Variants in MAD1L1 observed in about 807,000 individuals in gnomAD.
MAD1L1 encodes mitotic spindle assembly checkpoint protein MAD1.
A neutral mutation model predicts 96.9 loss-of-function variants in MAD1L1; 95 were observed. That is an observed-to-expected ratio of 0.98 (90% confidence interval 0.83 to 1.16). MAD1L1 has a LOEUF of 1.16. Among genes scored for constraint, MAD1L1 ranks in the 50% most tolerant of loss-of-function variants. The pLI is 0.00. For missense variants in MAD1L1, 1,007 were observed against 954.4 expected, an observed-to-expected ratio of 1.06 and a Z score of -0.73; for synonymous variants, 473 against 396.6, an observed-to-expected ratio of 1.19 and a Z score of -2.29.
chr7:1,879,835 A>T (rs1004623012), intron 18 of MAD1L1, among the ~76,000 whole-genome samples: 1 of 152,092 alleles, frequency 6.6e-6, no homozygotes, highest in Non-Finnish European at 1.5e-5. Flanking sequence ...GGTTCACGCC[A>T]TTCTCCTGCC....
intron 18 of MAD1L1, among the ~76,000 whole-genome samples, chr7:1,895,207 C>T (rs962739859): frequency 2.6e-5 from 4 of 152,140 alleles, no homozygotes; most frequent in African/African-American, 4.8e-5. Flanking sequence ...CTTCTTCCTG[C>T]GGGGACTTCA....
At chr7:2,171,517 C>T (rs1445834765) in intron 10 of MAD1L1, among the ~76,000 whole-genome samples, 3 of 136,884 alleles carry the variant, frequency 2.2e-5, no homozygotes, top group African/African-American at 6.9e-5. Context: ...AGATGGGACA[C>T]GTATGGGTCA....
At chr7:2,203,062 C>A (rs546938852) in intron 10 of MAD1L1, among the ~76,000 whole-genome samples, 1 of 152,354 alleles carries the variant, frequency 6.6e-6, no homozygotes, top group African/African-American at 2.4e-5. Flanking sequence ...CTCTGCAGCC[C>A]CTCCTCACCC....
chr7:1,935,823 T>C (rs1343535011), intron 17 of MAD1L1, among the ~76,000 whole-genome samples: 1 of 152,202 alleles, frequency 6.6e-6, no homozygotes, highest in Admixed American at 6.5e-5. Context: ...CCACCACAGA[T>C]GAGCCTGCAG....
At chr7:2,059,605 G>C (rs1380968926) in intron 12 of MAD1L1, among the ~76,000 whole-genome samples, 1 of 124,238 alleles carries the variant, frequency 8.0e-6, no homozygotes, top group Non-Finnish European at 1.7e-5. Context: ...GGGGCTGGTG[G>C]GGAAGCGTGG....
chr7:2,100,433 C>A (rs1786719629), intron 11 of MAD1L1, among the ~76,000 whole-genome samples: 1 of 152,238 alleles, frequency 6.6e-6, no homozygotes, highest in African/African-American at 2.4e-5. Context: ...ACACTCCAGA[C>A]ATTACAATGC....
At chr7:1,979,974 G>A (rs969116996) in intron 15 of MAD1L1, among the ~76,000 whole-genome samples, 5 of 152,324 alleles carry the variant, frequency 3.3e-5, no homozygotes, top group East Asian at 1.9e-4. Flanking sequence ...CAGCAGAGAC[G>A]AGTGTCCCTG....
intron 15 of MAD1L1, among the ~76,000 whole-genome samples, chr7:1,964,853 G>A (rs950819267): frequency 7.2e-5 from 11 of 152,194 alleles, no homozygotes; most frequent in Admixed American, 5.9e-4. Flanking sequence ...TAATGGGGGC[G>A]GGAGGCCTGG....
chr7:2,087,377 T>C (rs1785972238), intron 11 of MAD1L1, among the ~76,000 whole-genome samples: 1 of 152,044 alleles, frequency 6.6e-6, no homozygotes, highest in Non-Finnish European at 1.5e-5. Flanking sequence ...CTGTCTCTAC[T>C]AAGAATACAA....
chr7:1,924,970 A>C (rs1458572775), intron 17 of MAD1L1, among the ~76,000 whole-genome samples: 1 of 152,222 alleles, frequency 6.6e-6, no homozygotes, highest in Non-Finnish European at 1.5e-5. Flanking sequence ...AGATATAATA[A>C]AGACATAGAT....
At chr7:2,151,726 T>C (rs1285527026) in intron 10 of MAD1L1, among the ~76,000 whole-genome samples, 1 of 152,186 alleles carries the variant, frequency 6.6e-6, no homozygotes, top group African/African-American at 2.4e-5. Context: ...CCATGATAAA[T>C]GCAACCATTT....
intron 18 of MAD1L1, among the ~76,000 whole-genome samples, chr7:1,832,690 G>GGC (rs1191635131): frequency 7.7e-5 from 5 of 65,126 alleles, no homozygotes; most frequent in Non-Finnish European, 1.3e-4. Flanking sequence ...GGAGTGCAGT[G>GGC]ATGTGATCTC....
Position 2,149,243 on chromosome 7 carries a change from A to G in MAD1L1, c.987-5T>C. The G allele has an allele frequency of 1.2e-6, 2 of 1,609,304 alleles. No homozygotes were observed. The highest frequency in any genetic ancestry group is 1.7e-6 in the Non-Finnish European group (2 of 1,175,784). ...CTGGAAAGGTCTTCTGGAGTCCTGC[A>G]GGATAAACAAGGCACACTCAGTTCC... On this transcript the variant is annotated splice_region_variant and splice_polypyrimidine_tract_variant and intron_variant, in intron 10 of 18. Coordinates refer to ENST00000265854, the MANE Select transcript of MAD1L1 (RefSeq NM_001013836.2).
chr7:2,066,028 A>T (rs1035518273), intron 12 of MAD1L1, among the ~76,000 whole-genome samples: 1 of 152,256 alleles, frequency 6.6e-6, no homozygotes. Context: ...TGCTTAAAAT[A>T]GTCATGATAT....
At chr7:2,217,572 G>A (rs148461115) in intron 7 of MAD1L1, among the ~76,000 whole-genome samples, 2 of 152,348 alleles carry the variant, frequency 1.3e-5, no homozygotes, top group East Asian at 1.9e-4. Context: ...CACGTCCTCC[G>A]CAGGGAAATG....
intron 16 of MAD1L1, among the ~76,000 whole-genome samples, chr7:1,946,150 T>C (rs913613272): frequency 1.3e-5 from 2 of 152,190 alleles, no homozygotes; most frequent in Non-Finnish European, 2.9e-5. Flanking sequence ...CATCTGCCCA[T>C]CCGCTCAGGG....
chr7:2,148,974 G>A (rs1401097027), intron 11 of MAD1L1, among the ~76,000 whole-genome samples, 178 bp downstream of exon 11: 5 of 152,132 alleles, frequency 3.3e-5, no homozygotes, highest in South Asian at 4.1e-4. Context: ...AGCACATGGT[G>A]GAAACATGGG....
intron 17 of MAD1L1, among the ~76,000 whole-genome samples, chr7:1,920,610 T>A (rs1788726809): frequency 6.6e-6 from 1 of 152,108 alleles, no homozygotes. Context: ...CACAGCCAGA[T>A]GGAAGGAGTA....
intron 18 of MAD1L1, among the ~76,000 whole-genome samples, chr7:1,835,744 C>T (rs1357140129): frequency 6.6e-6 from 1 of 152,192 alleles, no homozygotes; most frequent in African/African-American, 2.4e-5. Flanking sequence ...AGAATGGCTA[C>T]TCCATAGGCA....
Sources: gnomAD v4.1 joint callset for allele counts (sites outside exome capture counted in the v4.1 genomes callset) on GRCh38, gnomAD v4.1.1 for gene constraint, MANE v1.5 for transcripts, NCBI Gene and HGNC (gene_info 2026-07-23, HGNC 2026-07-21) for gene names.